The following DDX60 variants were observed in gnomAD, a reference collection of about 807,000 sequenced individuals.
The protein encoded by DDX60 is probable ATP-dependent RNA helicase DDX60.
A neutral mutation model predicts 212.8 loss-of-function variants in DDX60; 165 were observed. The ratio of observed to expected loss-of-function variants is 0.78; its 90% CI spans 0.68 to 0.88. The LOEUF (loss-of-function observed/expected upper bound fraction) is 0.88, where lower values mean the gene tolerates loss of function less well. Ranked by LOEUF, DDX60 falls within the 40% of genes least tolerant of loss-of-function variation. The pLI, the probability that DDX60 is intolerant of heterozygous loss-of-function variation, is 0.00. For missense variants in DDX60, 1,905 were observed against 2,003.9 expected (o/e 0.95, Z 0.94); for synonymous variants, 703 against 685.3 (o/e 1.03, Z -0.40).
Position 168,283,552 on chromosome 4 carries a change from T to G in DDX60, c.1616A>C (p.Gln539Pro). The change falls in exon 13 of 38, where the codon CAA (glutamine) becomes CCA (proline). Residue 539 changes from glutamine (Q) to proline (P), a missense_variant. By Grantham distance (76) the Gln-to-Pro change is moderately conservative. Coordinates refer to ENST00000393743, the MANE Select transcript of DDX60 (RefSeq NM_017631.6). Reference protein sequence around the residue: ...LRSVQKYHVFQRFYGNSLETV... With the variant: ...LRSVQKYHVFPRFYGNSLETV... ...TTCTAATGAATTCCCATAAAACCGT[T>G]GGAAAACATGATACTTTTGCACAGA... is the stretch of plus-strand genomic sequence containing the variant. 6.2e-7 allele frequency: 1 copy of G among 1,613,420 alleles called. No homozygotes were observed. The highest frequency in any genetic ancestry group is 8.5e-7 in the Non-Finnish European group (1 of 1,179,606).
chr4:168,287,359 A>T (rs1300628618), intron 9 of DDX60, among the ~76,000 whole-genome samples, 156 bp from the exon 10 acceptor site: 1 of 152,216 alleles, frequency 6.6e-6, no homozygotes, highest in Admixed American at 6.5e-5. Context: ...GAAAATGGTC[A>T]CTAGTGTTGA....
At chr4:168,322,485 T>A (rs1365979688), upstream of DDX60, among the ~76,000 whole-genome samples, 1 of 152,192 alleles carries the variant, frequency 6.6e-6, no homozygotes, top group Non-Finnish European at 1.5e-5. Context: ...ACTTTCTAAC[T>A]CCAGTCTGTC....
At chr4:168,232,424 AC>A (rs910453615) in intron 33 of DDX60, among the ~76,000 whole-genome samples, 10 of 152,128 alleles carry the variant, frequency 6.6e-5, no homozygotes, top group African/African-American at 2.4e-4. Context: ...AGCAAAAAGA[AC>A]AAATCTGGAA....
In DDX60 at chr4:168,296,433, G is replaced by A. The variant is rs371802595; in HGVS notation, c.724-2488C>T. Among the ~76,000 whole-genome samples, 9 of 152,056 alleles carry A rather than the reference G, an allele frequency of 5.9e-5. No homozygotes were observed. In the South Asian group the frequency reaches 1.7e-3, roughly 28 times the overall value. On this transcript the variant is annotated intron_variant, in intron 6 of 37. Coordinates refer to ENST00000393743, the MANE Select transcript of DDX60 (RefSeq NM_017631.6). ...CCTTTGGCAATTAAGTGGCGAAAGAGTAAAAGAAGACAAAGAAGAATTTGA... is the reference window on the plus strand; with the variant it reads ...CCTTTGGCAATTAAGTGGCGAAAGAATAAAAGAAGACAAAGAAGAATTTGA...
At chr4:168,250,478 T>C (rs758772444) in intron 28 of DDX60, among the ~76,000 whole-genome samples, 39 of 150,838 alleles carry the variant, frequency 2.6e-4, no homozygotes, top group Non-Finnish European at 5.5e-4. Context: ...AACTGAGTAG[T>C]ACATTTCAAT....
chr4:168,240,225 C>T (rs1405955394), intron 30 of DDX60, among the ~76,000 whole-genome samples: 1 of 152,074 alleles, frequency 6.6e-6, no homozygotes, highest in Non-Finnish European at 1.5e-5. Context: ...TTCACAATTG[C>T]TACAAAGAGA....
At chr4:168,273,239 A>C in intron 18 of DDX60, 40 bp downstream of exon 18, 1 of 1,589,492 alleles carries the variant, frequency 6.3e-7, no homozygotes, top group East Asian at 2.3e-5. Flanking sequence ...AAGTACAGTT[A>C]TATAATTTGA....
chr4:168,279,984 T>A (rs1203298679), intron 14 of DDX60, among the ~76,000 whole-genome samples: 1 of 152,166 alleles, frequency 6.6e-6, no homozygotes, highest in Non-Finnish European at 1.5e-5. Context: ...CTGGGCGCAA[T>A]GGCTCACGTC....
chr4:168,308,711 T>C (rs1458636010), intron 3 of DDX60, among the ~76,000 whole-genome samples: 2 of 148,386 alleles, frequency 1.3e-5, no homozygotes, highest in Non-Finnish European at 3.0e-5. Context: ...TATATATGTA[T>C]ATATATTATA....
In DDX60 at chr4:168,252,654, T is replaced by A; in HGVS notation, c.3560A>T (p.Asp1187Val). Residue 1187 changes from aspartate to valine, a missense_variant and splice_region_variant, in exon 27 of 38, where the codon GAT becomes GTT. By Grantham distance (152) the Asp-to-Val change is radical (BLOSUM62 -3). Coordinates refer to ENST00000393743, the MANE Select transcript of DDX60 (RefSeq NM_017631.6). ...KKSIEKQKII[D>V]EKSQKKTRNV... ...TCTGGTTTTTTTCTGGCTCTTTTCA[T>A]CTCTGTTCATAAAAATAAAATTTTA... The A allele has an allele frequency of 1.9e-6, 3 of 1,590,106 alleles. No individual in the cohort carries two copies. Among genetic ancestry groups the A allele is most frequent in the Non-Finnish European group, 2.6e-6 (3 of 1,170,958 alleles).
At chr4:168,265,616 T>C (rs146678857) in intron 22 of DDX60, 5 of 152,260 alleles carry the variant, frequency 3.3e-5, no homozygotes, top group Non-Finnish European at 7.3e-5. Flanking sequence ...TAATAGCTAC[T>C]GAAAATAGAG....
chr4:168,274,038 C>T lies in DDX60; in HGVS notation c.2350G>A (p.Val784Ile). 1 of 1,614,204 alleles carries T rather than the reference C, an allele frequency of 6.2e-7. No homozygotes were observed. The highest frequency in any genetic ancestry group is 8.5e-7 in the Non-Finnish European group (1 of 1,180,020). ...GTTTTGCCTGAGGACGTTGGGGCAA[C>T]AATCACTGCTGACTCATTCTTATCC... ...VVDKNESAVI[V>I]APTSSGKTYA... The change falls in exon 17 of 38, where the codon GTT (valine) becomes ATT (isoleucine). Residue 784 changes from valine to isoleucine, a missense_variant. Coordinates refer to ENST00000393743, the MANE Select transcript of DDX60 (RefSeq NM_017631.6).
chr4:168,282,777 G>A (rs1190607725), intron 13 of DDX60, among the ~76,000 whole-genome samples: 2 of 152,056 alleles, frequency 1.3e-5, no homozygotes, highest in Non-Finnish European at 2.9e-5. Context: ...AAAAATATCT[G>A]TACTTAGACA....
chr4:168,240,063 T>C (rs1733784540), intron 30 of DDX60, among the ~76,000 whole-genome samples: 2 of 152,150 alleles, frequency 1.3e-5, no homozygotes, highest in African/African-American at 4.8e-5. Context: ...CATGATCCTA[T>C]ATCTAGAAAA....
At chr4:168,324,030 G>A in the DDX60 span, among the ~76,000 whole-genome samples, 337 of 152,336 alleles carry the variant, frequency 2.2e-3, 1 homozygote, top group African/African-American at 7.8e-3. Context: ...CCCAGGTAGT[G>A]TGGAGGCCTT....
In DDX60 at chr4:168,311,307, T is replaced by G. The variant is rs953562937; in HGVS notation, c.-48A>C. 1 of 1,607,996 alleles carries G rather than the reference T, an allele frequency of 6.2e-7. No individual in the cohort carries two copies. ...AACCTGAACTGGCAAGTATTAAAGG[T>G]AGCAAATACCCTTTATTTTGGTACC... On this transcript the variant is annotated 5_prime_UTR_variant, in exon 2 of 38. Coordinates refer to ENST00000393743, the MANE Select transcript of DDX60 (RefSeq NM_017631.6).
intron 6 of DDX60, among the ~76,000 whole-genome samples, chr4:168,297,322 G>T (rs1388254129): frequency 5.2e-5 from 3 of 58,032 alleles, no homozygotes; most frequent in African/African-American, 1.8e-4. Flanking sequence ...AAGAAAGAAA[G>T]AAAGAAAGAA....
intron 30 of DDX60, among the ~76,000 whole-genome samples, chr4:168,244,408 T>G (rs779728834): frequency 6.6e-6 from 1 of 152,092 alleles, no homozygotes; most frequent in Non-Finnish European, 1.5e-5. Flanking sequence ...TATTATGATA[T>G]AAAAGAGTGA....
At chr4:168,278,133 C>T (rs1735431731) in intron 14 of DDX60, among the ~76,000 whole-genome samples, 1 of 152,126 alleles carries the variant, frequency 6.6e-6, no homozygotes, top group South Asian at 2.1e-4. Context: ...AAAAAGAAGC[C>T]ATAAAGTGCT....
Sources: allele counts gnomAD v4.1 joint callset (sites outside exome capture counted in the v4.1 genomes callset), GRCh38; gene constraint gnomAD v4.1.1; transcripts MANE v1.5; gene names NCBI Gene and HGNC (gene_info 2026-07-23, HGNC 2026-07-21).